Variants in RBMS3 observed in about 807,000 individuals in gnomAD.
RBMS3 encodes the protein RNA-binding motif, single-stranded-interacting protein 3.
In RBMS3, 27 loss-of-function variants were observed where a neutral mutation model predicts 66.8. That is an observed-to-expected ratio of 0.40 (90% CI 0.30 to 0.56). The LOEUF (loss-of-function observed/expected upper bound fraction) is 0.56, where lower values mean the gene tolerates loss of function less well. RBMS3 is among the 20% of genes least tolerant of loss of function. RBMS3 has a pLI of 0.40. For missense variants in RBMS3, 513 were observed against 549.5 expected (o/e 0.93, Z 0.66); for synonymous variants, 188 against 183.0 (o/e 1.03, Z -0.22).
rs1036954359 is a variant in RBMS3, at chr3:29,340,358, T to C, written c.75+58602T>C. 2.0e-5 allele frequency among the ~76,000 whole-genome samples: 3 copies of C among 152,174 alleles called. No homozygotes were observed. In the East Asian group the frequency reaches 5.8e-4, roughly 29 times the overall value. On this transcript the variant is annotated intron_variant, in intron 1 of 14. Transcript: ENST00000383767. The stretch of plus-strand genomic sequence containing the variant: ...TAGCACATTTACTTTTTCTGTTTTT[T>C]ATTTGGCCAATGGACACCGCCATTG...
At chr3:29,784,926 A>G (rs969385353) in intron 6 of RBMS3, among the ~76,000 whole-genome samples, 2 of 152,112 alleles carry the variant, frequency 1.3e-5, no homozygotes, top group African/African-American at 4.8e-5. Flanking sequence ...AAACTGGAAA[A>G]CCTAGAGGAG....
intron 1 of RBMS3, among the ~76,000 whole-genome samples, chr3:29,325,582 G>A (rs1250361027): frequency 6.7e-6 from 1 of 150,130 alleles, no homozygotes; most frequent in Non-Finnish European, 1.5e-5. Flanking sequence ...ATACATGTGT[G>A]TATGTATATA....
intron 1 of RBMS3, among the ~76,000 whole-genome samples, chr3:29,340,773 A>T (rs745957935): frequency 6.6e-6 from 1 of 152,176 alleles, no homozygotes; most frequent in Non-Finnish European, 1.5e-5. Flanking sequence ...CAGTTTGACA[A>T]GATAATTAGA....
intron 4 of RBMS3, among the ~76,000 whole-genome samples, chr3:29,632,482 T>C (rs1257877747): frequency 6.6e-6 from 1 of 151,920 alleles, no homozygotes; most frequent in Non-Finnish European, 1.5e-5. Flanking sequence ...TTTTAAATTC[T>C]ATCTTTCATT....
chr3:29,688,284 T>C (rs1023317676), intron 4 of RBMS3, among the ~76,000 whole-genome samples: 2 of 152,144 alleles, frequency 1.3e-5, no homozygotes, highest in Non-Finnish European at 2.9e-5. Flanking sequence ...GTAGAGAGAT[T>C]ATTTGCCTTT....
chr3:29,906,857 A>G (rs1290614486), intron 10 of RBMS3, among the ~76,000 whole-genome samples: 5 of 152,104 alleles, frequency 3.3e-5, no homozygotes, highest in Non-Finnish European at 7.4e-5. Context: ...TACCCATTAT[A>G]TATATCATAT....
intron 9 of RBMS3, 76 bp from the exon 10 acceptor site, chr3:29,899,629 G>T (rs1191052190): frequency 6.8e-6 from 9 of 1,327,670 alleles, no homozygotes; most frequent in Non-Finnish European, 9.6e-6. Context: ...TTATGACCTA[G>T]TGTGACTCCA....
intron 4 of RBMS3, among the ~76,000 whole-genome samples, chr3:29,603,635 T>C (rs1056775372): frequency 2.6e-5 from 4 of 152,034 alleles, no homozygotes; most frequent in Non-Finnish European, 4.4e-5. Context: ...TCTAGCTTCC[T>C]TTATTGATTC....
At chr3:29,591,651 T>G (rs1351332267) in intron 4 of RBMS3, among the ~76,000 whole-genome samples, 1 of 152,210 alleles carries the variant, frequency 6.6e-6, no homozygotes, top group Non-Finnish European at 1.5e-5. Flanking sequence ...CTGGATATAT[T>G]TAGAAACACT....
chr3:29,402,414 T>A (rs745879402), intron 1 of RBMS3, among the ~76,000 whole-genome samples: 2 of 152,040 alleles, frequency 1.3e-5, no homozygotes, highest in Non-Finnish European at 2.9e-5. Flanking sequence ...TCCCTGCAGA[T>A]TTTGTGTGCA....
intron 3 of RBMS3, among the ~76,000 whole-genome samples, chr3:29,530,507 T>C (rs1414462886): frequency 6.6e-6 from 1 of 152,118 alleles, no homozygotes; most frequent in Non-Finnish European, 1.5e-5. Flanking sequence ...TGATAGCACG[T>C]ATGTAAAATT....
chr3:29,841,908 G>C (rs1397810972), intron 6 of RBMS3, among the ~76,000 whole-genome samples: 1 of 151,986 alleles, frequency 6.6e-6, no homozygotes, highest in Non-Finnish European at 1.5e-5. Flanking sequence ...TGAAAACCAA[G>C]TCTAATTTTC....
intron 4 of RBMS3, among the ~76,000 whole-genome samples, chr3:29,637,879 C>T (rs1348213399): frequency 6.6e-6 from 1 of 151,872 alleles, no homozygotes; most frequent in East Asian, 1.9e-4. Flanking sequence ...ATTATCCAAG[C>T]ATTGAAAGAC....
At chr3:29,958,090 G>T (rs938020208) in intron 12 of RBMS3, among the ~76,000 whole-genome samples, 2 of 152,108 alleles carry the variant, frequency 1.3e-5, no homozygotes, top group African/African-American at 4.8e-5. Context: ...TGTACATAGG[G>T]CTGGTTTTCC....
chr3:29,634,010 C>T (rs2049379624), intron 4 of RBMS3, among the ~76,000 whole-genome samples: 1 of 151,814 alleles, frequency 6.6e-6, no homozygotes, highest in Non-Finnish European at 1.5e-5. Context: ...TTAATACCTG[C>T]AGTACTAATT....
intron 6 of RBMS3, among the ~76,000 whole-genome samples, chr3:29,853,260 A>C (rs1179918947): frequency 6.6e-6 from 1 of 152,092 alleles, no homozygotes; most frequent in African/African-American, 2.4e-5. Context: ...CCCCCATGAC[A>C]CAAGTTTACC....
At chr3:29,950,337 C>T (rs898327914) in intron 12 of RBMS3, among the ~76,000 whole-genome samples, 13 of 151,876 alleles carry the variant, frequency 8.6e-5, no homozygotes, top group African/African-American at 2.9e-4. Context: ...CACACAGCAT[C>T]ACTTAGTGCC....
intron 2 of RBMS3, among the ~76,000 whole-genome samples, chr3:29,486,639 A>C (rs2125828505): frequency 6.6e-6 from 1 of 152,306 alleles, no homozygotes; most frequent in Non-Finnish European, 1.5e-5. Context: ...TTGCTGTAAA[A>C]GTGATTACAT....
intron 1 of RBMS3, among the ~76,000 whole-genome samples, chr3:29,388,662 C>T (rs897748468): frequency 5.3e-5 from 8 of 152,146 alleles, no homozygotes; most frequent in African/African-American, 1.9e-4. Context: ...GCCAGCTCTG[C>T]CTCACGCCAT....
Sources: allele counts gnomAD v4.1 joint callset (sites outside exome capture counted in the v4.1 genomes callset), GRCh38; gene constraint gnomAD v4.1.1; transcripts MANE v1.5; gene names NCBI Gene and HGNC (gene_info 2026-07-23, HGNC 2026-07-21).